Variants in TMPRSS15 observed in about 807,000 individuals in gnomAD.
TMPRSS15 encodes the protein transmembrane serine protease 15.
In TMPRSS15, 128 loss-of-function variants were observed where a neutral mutation model predicts 125.3. The ratio of observed to expected loss-of-function variants is 1.02; its 90% confidence interval spans 0.89 to 1.18. The LOEUF (loss-of-function observed/expected upper bound fraction) is 1.18, where lower values mean the gene tolerates loss of function less well. TMPRSS15 is among the 50% of genes most tolerant of loss of function. The pLI, the probability that TMPRSS15 is intolerant of heterozygous loss-of-function variation, is 0.00. For synonymous variants in TMPRSS15, 446 were observed against 423.2 expected, an observed-to-expected ratio of 1.05 and a Z score of -0.66; for missense variants, 1,283 against 1,212.7, an observed-to-expected ratio of 1.06 and a Z score of -0.86.
At chr21:18,424,171 C>T (rs1251015077) in intron 1 of TMPRSS15, among the ~76,000 whole-genome samples, 1 of 152,050 alleles carries the variant, frequency 6.6e-6, no homozygotes, top group Non-Finnish European at 1.5e-5. Context: ...ATCTGAGGTC[C>T]TACATTTATT....
chr21:18,367,018 C>A (rs1475784669), intron 6 of TMPRSS15, among the ~76,000 whole-genome samples: 1 of 151,028 alleles, frequency 6.6e-6, no homozygotes, highest in East Asian at 1.9e-4. Context: ...TGGGTTTTTG[C>A]TTTTTTTTGG....
At chr21:18,310,499 C>A (rs190443930) in intron 18 of TMPRSS15, among the ~76,000 whole-genome samples, 177 of 151,780 alleles carry the variant, frequency 1.2e-3, no homozygotes, top group African/African-American at 4.2e-3. Flanking sequence ...TAAATTTAAC[C>A]AAGGAGTTGA....
intron 1 of TMPRSS15, among the ~76,000 whole-genome samples, chr21:18,466,340 A>AC (rs1307993081): frequency 6.6e-6 from 1 of 152,186 alleles, no homozygotes; most frequent in Non-Finnish European, 1.5e-5. Flanking sequence ...ACCATTCAGG[A>AC]CATAGGCATG....
In TMPRSS15 at chr21:18,322,430, G is replaced by A. The variant is rs146260321; in HGVS notation, c.1921+4002C>T. On this transcript the variant is annotated intron_variant, in intron 16 of 24. Transcript: ENST00000284885. ...ATCAAAGAGATATCTGCTCATCTAT[G>A]TTTACTGCAGCACTATTCTTAATAG... Among the ~76,000 whole-genome samples, 1,263 of 152,230 alleles carry A rather than the reference G, an allele frequency of 8.3e-3. 23 individuals are homozygous for A. Among genetic ancestry groups the A allele is most frequent in the African/African-American group, 0.029 (1,187 of 41,526 alleles).
intron 23 of TMPRSS15, 40 bp downstream of exon 23, chr21:18,278,924 G>GTTTTTTTTTTTTT (rs59972471): frequency 2.7e-5 from 12 of 440,152 alleles, no homozygotes; most frequent in African/African-American, 9.8e-5. Context: ...CACCAGTAAG[G>GTTTTTTTTTTTTT]TTTTTTTTTT....
chr21:18,297,858 CAAAACAAAAGCATAAAGA>C lies in TMPRSS15; in HGVS notation c.2166-47_2166-30del, dbSNP rs1568990856. The C allele has an allele frequency of 2.0e-6, 3 of 1,516,758 alleles. No homozygotes were observed. In the Admixed American group the frequency reaches 5.0e-5, roughly 25 times the overall value. The allele number at this position is 1,516,758 out of a possible 1,614,324, so 94.0% of individuals were successfully genotyped here. The stretch of plus-strand genomic sequence containing the variant: ...GAGAAAAAAGAAAAAAGCATACAGA[CAAAACAAAAGCATAAAGA>C]AAAGACCATAAGTTAGACTTTCAGT... On this transcript the variant is annotated intron_variant, in intron 18 of 24. Transcript: ENST00000284885.
At chr21:18,417,393 T>A (rs2076182775) in intron 1 of TMPRSS15, among the ~76,000 whole-genome samples, 1 of 152,084 alleles carries the variant, frequency 6.6e-6, no homozygotes. Context: ...CAGACTGAGA[T>A]TTCTGGAGAT....
intron 21 of TMPRSS15, among the ~76,000 whole-genome samples, chr21:18,291,046 C>A (rs1299614895): frequency 2.6e-5 from 4 of 152,334 alleles, no homozygotes; most frequent in African/African-American, 4.8e-5. Flanking sequence ...TTTCATAGAG[C>A]TTTCCTATGC....
chr21:18,420,025 T>A (rs988622510), intron 1 of TMPRSS15, among the ~76,000 whole-genome samples: 10 of 152,232 alleles, frequency 6.6e-5, no homozygotes, highest in Non-Finnish European at 1.0e-4. Context: ...GTCATTTTTT[T>A]AAATGTAGCA....
At chr21:18,338,498 A>G (rs2075415110) in intron 13 of TMPRSS15, among the ~76,000 whole-genome samples, 1 of 152,166 alleles carries the variant, frequency 6.6e-6, no homozygotes, top group South Asian at 2.1e-4. Context: ...CATATAATAA[A>G]TAGGTAGGGT....
intron 6 of TMPRSS15, among the ~76,000 whole-genome samples, chr21:18,370,297 A>T (rs2075779675): frequency 6.6e-6 from 1 of 152,140 alleles, no homozygotes; most frequent in South Asian, 2.1e-4. Context: ...GTTCATCATG[A>T]AAATTATGAA....
chr21:18,437,962 C>A (rs2076231729), intron 1 of TMPRSS15, among the ~76,000 whole-genome samples: 1 of 151,488 alleles, frequency 6.6e-6, no homozygotes, highest in African/African-American at 2.4e-5. Flanking sequence ...TTGACCCAGC[C>A]ATCCCATTAC....
At chr21:18,288,365 A>G (rs920310329) in intron 21 of TMPRSS15, among the ~76,000 whole-genome samples, 2 of 152,090 alleles carry the variant, frequency 1.3e-5, no homozygotes, top group African/African-American at 4.8e-5. Context: ...ATATTAAGAA[A>G]TTAATGTGTA....
intron 18 of TMPRSS15, among the ~76,000 whole-genome samples, chr21:18,311,548 C>A (rs932429514): frequency 1.3e-5 from 2 of 152,008 alleles, no homozygotes; most frequent in Non-Finnish European, 2.9e-5. Context: ...ATATCTCTCA[C>A]CCCTGTTATA....
At chr21:18,454,255 C>A (rs1454606135) in intron 1 of TMPRSS15, among the ~76,000 whole-genome samples, 1 of 151,994 alleles carries the variant, frequency 6.6e-6, no homozygotes, top group Non-Finnish European at 1.5e-5. Context: ...ATCATTTCTT[C>A]CTTGCTAATG....
rs2075871338 is a variant in TMPRSS15 at position 18,379,329 on chromosome 21, AAT to A, written c.497-13_497-12del. 12 of 1,262,504 alleles carry A rather than the reference AAT, an allele frequency of 9.5e-6. No individual in the cohort carries two copies. The highest frequency in any genetic ancestry group is 1.2e-5 in the Non-Finnish European group (11 of 952,172). The allele number at this position is 1,262,504 out of a possible 1,614,324, so 78.2% of individuals were successfully genotyped here. ...TGGTTGTTAGCTTGTCTGAAAAATAAATTATATTAAAATAATTATTACCTATT... is the reference window on the plus strand; with the variant it reads ...TGGTTGTTAGCTTGTCTGAAAAATAATATATTAAAATAATTATTACCTATT... On this transcript the variant is annotated splice_polypyrimidine_tract_variant and intron_variant, in intron 4 of 24. Coordinates refer to ENST00000284885, the MANE Select transcript of TMPRSS15 (RefSeq NM_002772.3).
intron 16 of TMPRSS15, among the ~76,000 whole-genome samples, chr21:18,317,434 G>T (rs2075178768): frequency 7.1e-6 from 1 of 141,730 alleles, no homozygotes; most frequent in Non-Finnish European, 1.5e-5. Flanking sequence ...GTATTTGAGG[G>T]GGGGTGTTTT....
chr21:18,377,833 T>G (rs780832174), intron 5 of TMPRSS15, among the ~76,000 whole-genome samples: 14 of 152,138 alleles, frequency 9.2e-5, no homozygotes, highest in Non-Finnish European at 1.6e-4. Context: ...CCATGCTCTC[T>G]GACCCCTCAT....
At chr21:18,288,685 C>T (rs1212514385) in intron 21 of TMPRSS15, among the ~76,000 whole-genome samples, 1 of 151,656 alleles carries the variant, frequency 6.6e-6, no homozygotes, top group Non-Finnish European at 1.5e-5. Context: ...GGACTACAGG[C>T]GCATGCTGCC....
Sources: allele counts gnomAD v4.1 joint callset (sites outside exome capture counted in the v4.1 genomes callset), GRCh38; gene constraint gnomAD v4.1.1; transcripts MANE v1.5; gene names NCBI Gene and HGNC (gene_info 2026-07-23, HGNC 2026-07-21).